Variants in ARAP2 observed in about 807,000 individuals in gnomAD.
The protein encoded by ARAP2 is ArfGAP with RhoGAP domain, ankyrin repeat and PH domain 2.
Under a neutral mutation model 194.5 loss-of-function variants are expected in ARAP2, and 148 were observed. The ratio of observed to expected loss-of-function variants is 0.76; its 90% CI spans 0.67 to 0.87. The LOEUF (loss-of-function observed/expected upper bound fraction) is 0.87, where lower values mean the gene tolerates loss of function less well. Ranked by LOEUF, ARAP2 falls within the 40% of genes least tolerant of loss-of-function variation. The pLI is 0.00. For synonymous variants in ARAP2, 695 were observed against 683.5 expected, an observed-to-expected ratio of 1.02 and a Z score of -0.26; for missense variants, 2,128 against 1,989.7, an observed-to-expected ratio of 1.07 and a Z score of -1.32.
chr4:36,224,010 A>G (rs1477318890), intron 2 of ARAP2, among the ~76,000 whole-genome samples: 1 of 151,838 alleles, frequency 6.6e-6, no homozygotes, highest in Non-Finnish European at 1.5e-5. Flanking sequence ...GTAATGAATA[A>G]CTCTGATTAT....
chr4:36,135,272 T>C lies in ARAP2; in HGVS notation c.3264-1883A>G, dbSNP rs141687051. On this transcript the variant is annotated intron_variant, in intron 19 of 32. Transcript: ENST00000303965. Reference sequence around the variant, plus strand: ...GGTGTGGGTAATAAGGAATGTAATCTTTTACATTTCTGATAATCACTGTAC... The same window carrying C: ...GGTGTGGGTAATAAGGAATGTAATCCTTTACATTTCTGATAATCACTGTAC... 2.0e-3 allele frequency among the ~76,000 whole-genome samples: 298 copies of C among 151,858 alleles called. 1 individual carries two copies. Among genetic ancestry groups the C allele is most frequent in the African/African-American group, 6.7e-3 (277 of 41,486 alleles).
Position 36,228,761 on chromosome 4 carries a change from T to C in ARAP2, c.726A>G (p.Pro242=). 1 of 1,614,114 alleles carries C rather than the reference T, an allele frequency of 6.2e-7. No individual in the cohort carries two copies. The highest frequency in any genetic ancestry group is 8.5e-7 in the Non-Finnish European group (1 of 1,180,008). Residue 242 remains proline, a synonymous_variant, in exon 2 of 33, where the codon CCA becomes CCG. Transcript: ENST00000303965. The stretch of plus-strand genomic sequence containing the variant: ...CTCCTTGAAACTTAAAGAATGGGGA[T>C]GGTGGTGATCCTTCTAATAAACCAT... ...GTNGLLEGSP[P]SPFFKFQGEM...
chr4:36,069,275 G>A (rs1280775113), intron 32 of ARAP2, among the ~76,000 whole-genome samples: 1 of 151,948 alleles, frequency 6.6e-6, no homozygotes, highest in Non-Finnish European at 1.5e-5. Flanking sequence ...GAATTTTCTG[G>A]TAAGATTCTG....
chr4:36,136,693 T>C lies in ARAP2; in HGVS notation c.3264-3304A>G, dbSNP rs73809119. Among the ~76,000 whole-genome samples the C allele has an allele frequency of 5.3e-3, 807 of 151,802 alleles. 11 individuals are homozygous for C. Among genetic ancestry groups the C allele is most frequent in the African/African-American group, 0.018 (761 of 41,436 alleles). On this transcript the variant is annotated intron_variant, in intron 19 of 32. Coordinates refer to ENST00000303965, the MANE Select transcript of ARAP2 (RefSeq NM_015230.4). ...TTATACAAAAATAAAATAGTAAGTC[T>C]TCCACAGAAATACGGTTATCAGCCA... is the stretch of plus-strand genomic sequence containing the variant.
At chr4:36,150,751 C>T in intron 16 of ARAP2, 149 bp downstream of exon 16, 2 of 799,692 alleles carry the variant, frequency 2.5e-6, no homozygotes, top group Non-Finnish European at 3.8e-6. Flanking sequence ...AAAGAAATTT[C>T]AGAAGGCGCA....
rs1359732457 is a variant in ARAP2 at position 36,066,351 on chromosome 4, T to TGCA, written c.*1555_*1556insTGC. The TGCA allele has an allele frequency of 6.6e-5, 10 of 152,330 alleles. 1 individual carries two copies. The South Asian group carries it at 1.4e-3, about 22-fold the overall frequency. 9.4% of individuals were successfully genotyped at this position (152,330 alleles called of 1,614,324 possible). A position where few individuals can be genotyped will look rare whatever the true frequency, so the allele number is the denominator to read the frequency against. On this transcript the variant is annotated 3_prime_UTR_variant, in exon 33 of 33. Coordinates refer to ENST00000303965, the MANE Select transcript of ARAP2 (RefSeq NM_015230.4). Reference sequence around the variant, plus strand: ...TAATAGTGCCACCTATTTCATAAACTGTCCTGCAGTTTTGTGCTTTTTAAA... The same window carrying TGCA: ...TAATAGTGCCACCTATTTCATAAACTGCAGTCCTGCAGTTTTGTGCTTTTTAAA...
intron 10 of ARAP2, chr4:36,005,571 CA>C (rs1377396900): frequency 6.6e-6 from 1 of 151,902 alleles, no homozygotes; most frequent in African/African-American, 2.4e-5. Context: ...TAAGCAAATA[CA>C]AGATAAAACA....
chr4:36,235,487 T>A (rs1752261428), intron 1 of ARAP2, among the ~76,000 whole-genome samples: 2 of 152,218 alleles, frequency 1.3e-5, no homozygotes, highest in Non-Finnish European at 2.9e-5. Context: ...CCTCTTCAGA[T>A]AGGTGATCCC....
chr4:36,204,651 A>C (rs914574090), intron 6 of ARAP2, among the ~76,000 whole-genome samples: 2 of 152,138 alleles, frequency 1.3e-5, no homozygotes. Context: ...TCAGAGATTC[A>C]TATGTTGAGG....
intron 16 of ARAP2, among the ~76,000 whole-genome samples, chr4:36,150,009 G>T (rs998641833): frequency 1.3e-5 from 2 of 151,994 alleles, no homozygotes; most frequent in Non-Finnish European, 2.9e-5. Context: ...TCACACCAAA[G>T]ATCTTAGATG....
chr4:36,177,694 T>C, intron 9 of ARAP2, 133 bp downstream of exon 9: 2 of 766,026 alleles, frequency 2.6e-6, no homozygotes, highest in South Asian at 5.0e-5. Context: ...ACTATTTCTT[T>C]GGTATATTTA....
intron 30 of ARAP2, among the ~76,000 whole-genome samples, chr4:36,081,750 G>C (rs1729606686): frequency 6.6e-6 from 1 of 151,870 alleles, no homozygotes; most frequent in Non-Finnish European, 1.5e-5. Flanking sequence ...GTAGGTGGAG[G>C]AGGGGCACAA....
intron 6 of ARAP2, among the ~76,000 whole-genome samples, chr4:36,197,333 GA>G (rs1743340897): frequency 2.6e-5 from 4 of 152,124 alleles, no homozygotes; most frequent in Admixed American, 2.6e-4. Context: ...AGAAACGAAT[GA>G]ATGTATTTTT....
intron 19 of ARAP2, among the ~76,000 whole-genome samples, chr4:36,136,053 C>T (rs1429872952): frequency 2.6e-5 from 4 of 151,698 alleles, no homozygotes; most frequent in Non-Finnish European, 5.9e-5. Context: ...AAGGGCGAAT[C>T]CTAAAATATA....
At chr4:36,146,548 C>A (rs551772984) in intron 19 of ARAP2, among the ~76,000 whole-genome samples, 1 of 151,950 alleles carries the variant, frequency 6.6e-6, no homozygotes, top group Non-Finnish European at 1.5e-5. Flanking sequence ...ACACTCTTAG[C>A]GTTTTCAAAT....
At chr4:36,017,564 TAAAA>T (rs71199694) in intron 6 of ARAP2, among the ~76,000 whole-genome samples, 10 of 42,578 alleles carry the variant, frequency 2.3e-4, no homozygotes, top group African/African-American at 4.6e-4. Context: ...AAGAAAGTGG[TAAAA>T]AAAAAAAAAA....
At chr4:36,169,483 G>A (rs966155430) in intron 9 of ARAP2, among the ~76,000 whole-genome samples, 7 of 151,654 alleles carry the variant, frequency 4.6e-5, no homozygotes, top group Non-Finnish European at 8.8e-5. Context: ...AAATAAGGGA[G>A]TGCTAGCTGG....
chr4:36,114,779 G>A lies in ARAP2; in HGVS notation c.4039-492C>T, dbSNP rs78143195. Among the ~76,000 whole-genome samples the A allele has an allele frequency of 3.5e-3, 536 of 152,036 alleles. 3 individuals are homozygous for A. Among genetic ancestry groups the A allele is most frequent in the African/African-American group, 0.012 (512 of 41,514 alleles). On this transcript the variant is annotated intron_variant, in intron 25 of 32. Coordinates refer to ENST00000303965, the MANE Select transcript of ARAP2 (RefSeq NM_015230.4). ...CCTGCCATGCCAAGTGACAGATGGT[G>A]GGATACCAAAGTATGCTGGAACCAG... is the stretch of plus-strand genomic sequence containing the variant.
intron 15 of ARAP2, among the ~76,000 whole-genome samples, chr4:36,152,824 A>G (rs1351149728): frequency 1.3e-5 from 2 of 152,210 alleles, no homozygotes; most frequent in Non-Finnish European, 1.5e-5. Flanking sequence ...GAAAGGTGAA[A>G]CTGCAAAAAC....
Sources: gnomAD v4.1 joint callset for allele counts (sites outside exome capture counted in the v4.1 genomes callset) on GRCh38, gnomAD v4.1.1 for gene constraint, MANE v1.5 for transcripts, NCBI Gene and HGNC (gene_info 2026-07-23, HGNC 2026-07-21) for gene names.